Variants in PDE10A observed in about 807,000 individuals in gnomAD.
PDE10A encodes the protein cAMP and cAMP-inhibited cGMP 3',5'-cyclic phosphodiesterase 10A.
PDE10A carries 39 observed loss-of-function variants against 97.7 expected under a neutral mutation model. That is an observed-to-expected ratio of 0.40 (90% confidence interval 0.31 to 0.52). The LOEUF (loss-of-function observed/expected upper bound fraction) is 0.52. Ranked by LOEUF, PDE10A falls within the 20% of genes least tolerant of loss-of-function variation. PDE10A has a pLI of 0.56. For missense variants in PDE10A, 731 were observed against 1,047.8 expected (o/e 0.70, Z 4.17); for synonymous variants, 371 against 376.8 (o/e 0.98, Z 0.18).
intron 1 of PDE10A, among the ~76,000 whole-genome samples, chr6:165,639,222 T>C (rs533006202): frequency 1.3e-5 from 2 of 152,282 alleles, no homozygotes; most frequent in East Asian, 3.9e-4. Flanking sequence ...ACAACCAATG[T>C]ATGGAGGAAC....
intron 1 of PDE10A, among the ~76,000 whole-genome samples, chr6:165,900,061 T>G (rs1164365806): frequency 6.6e-6 from 1 of 152,206 alleles, no homozygotes; most frequent in Non-Finnish European, 1.5e-5. Flanking sequence ...ACAGGTTCGC[T>G]GGTGCCCTGC....
At chr6:165,416,072 C>T in intron 12 of PDE10A, 117 bp downstream of exon 12, 1 of 708,302 alleles carries the variant, frequency 1.4e-6, no homozygotes, top group East Asian at 2.5e-5. Context: ...GAGAAGAAAA[C>T]TAAGGAAGAA....
At chr6:165,905,627 TTTCTTTTTCTCTAATTATCTGCAGTA>T (rs2128485139) in intron 1 of PDE10A, among the ~76,000 whole-genome samples, 1 of 152,312 alleles carries the variant, frequency 6.6e-6, no homozygotes, top group East Asian at 1.9e-4. Flanking sequence ...AAAAAATTCT[TTTCTTTTTCTCTAATTATCTGCAGTA>T]AGCATATAAT....
At chr6:165,499,078 A>G (rs955237873) in intron 2 of PDE10A, among the ~76,000 whole-genome samples, 1 of 152,214 alleles carries the variant, frequency 6.6e-6, no homozygotes, top group Non-Finnish European at 1.5e-5. Context: ...AAACATTCTT[A>G]ATGTCCACAG....
chr6:165,877,921 C>T (rs1308106854), intron 1 of PDE10A, among the ~76,000 whole-genome samples: 1 of 152,116 alleles, frequency 6.6e-6, no homozygotes, highest in Non-Finnish European at 1.5e-5. Flanking sequence ...AAGTAATTTT[C>T]CTAAAACCAC....
chr6:165,700,451 C>T (rs989093530), intron 1 of PDE10A, among the ~76,000 whole-genome samples: 2 of 152,088 alleles, frequency 1.3e-5, no homozygotes, highest in African/African-American at 4.8e-5. Flanking sequence ...TTCACACAGG[C>T]GAATTACATG....
chr6:165,593,723 A>C (rs1453416300), intron 1 of PDE10A, among the ~76,000 whole-genome samples: 1 of 152,198 alleles, frequency 6.6e-6, no homozygotes, highest in Non-Finnish European at 1.5e-5. Flanking sequence ...GATATTTTTA[A>C]ATGATGATGT....
At chr6:165,879,907 G>A (rs541810439) in intron 1 of PDE10A, among the ~76,000 whole-genome samples, 20 of 116,450 alleles carry the variant, frequency 1.7e-4, no homozygotes, top group South Asian at 3.8e-4. Flanking sequence ...ACAGCTTCTC[G>A]GTGGATATGA....
intron 1 of PDE10A, among the ~76,000 whole-genome samples, chr6:165,967,099 G>T (rs1016032784): frequency 1.3e-5 from 2 of 152,128 alleles, no homozygotes; most frequent in Non-Finnish European, 2.9e-5. Flanking sequence ...ATATGGAAGG[G>T]TACAACTGAT....
intron 2 of PDE10A, among the ~76,000 whole-genome samples, chr6:165,497,108 G>T (rs1780581876): frequency 6.6e-6 from 1 of 151,926 alleles, no homozygotes; most frequent in Non-Finnish European, 1.5e-5. Context: ...AAAAATGGGG[G>T]TTACATATAA....
intron 2 of PDE10A, among the ~76,000 whole-genome samples, chr6:165,543,145 C>A (rs960234777): frequency 3.3e-5 from 5 of 151,998 alleles, no homozygotes; most frequent in Non-Finnish European, 7.4e-5. Context: ...TAAAAATAAT[C>A]CTTAAATAAA....
chr6:165,839,965 CTGTCTT>C (rs1286300170), intron 1 of PDE10A, among the ~76,000 whole-genome samples: 20 of 150,848 alleles, frequency 1.3e-4, no homozygotes, highest in East Asian at 5.9e-4. Flanking sequence ...ATCTACATCT[CTGTCTT>C]CATCCCCATC....
intron 3 of PDE10A, among the ~76,000 whole-genome samples, chr6:165,461,671 A>G (rs558484802): frequency 2.0e-5 from 3 of 152,340 alleles, no homozygotes; most frequent in East Asian, 3.9e-4. Flanking sequence ...CATCACTCAC[A>G]TTAGGGCTCA....
Position 165,543,451 on chromosome 6 carries a change from T to C in PDE10A, c.983A>G (p.Asn328Ser), listed in dbSNP as rs763879204. ...TVEKWLKRKNNKSEDESAPKE... is the reference protein window; with the variant it reads ...TVEKWLKRKNSKSEDESAPKE... ...ACAAGAGACCTTACCTTCTGATTTG[T>C]TGTTCTTCCTCTTCAGCCATTTCTC... The change falls in exon 2 of 22, where the codon AAC becomes AGC. Residue 328 changes from asparagine (N) to serine (S), a missense_variant. This residue lies in a region of PDE10A where 181 missense variants were observed against 159.1 expected (regional missense o/e 1.14). Transcript: ENST00000539869. 1.2e-6 allele frequency: 2 copies of C among 1,612,520 alleles called. No individual in the cohort carries two copies. The highest frequency in any genetic ancestry group is 2.2e-5 in the South Asian group (2 of 90,710).
chr6:165,885,029 C>T (rs1214350826), intron 1 of PDE10A, among the ~76,000 whole-genome samples: 1 of 152,130 alleles, frequency 6.6e-6, no homozygotes, highest in Non-Finnish European at 1.5e-5. Context: ...ACGCCCCTGC[C>T]GCCGTTTACC....
At chr6:165,340,714 A>G (rs1781921579) in intron 19 of PDE10A, among the ~76,000 whole-genome samples, 1 of 152,218 alleles carries the variant, frequency 6.6e-6, no homozygotes, top group Admixed American at 6.5e-5. Context: ...AGGCTTTCAC[A>G]GAATACAGAG....
rs535684323 is a variant in PDE10A, at chr6:165,836,060, C to T, written c.-615+151469G>A. ...CTCAAACATTTTGCCCAATCTAAAACGCTTTCGCTGTTTTCTCTGCCTGTC... is the reference window on the plus strand; with the variant it reads ...CTCAAACATTTTGCCCAATCTAAAATGCTTTCGCTGTTTTCTCTGCCTGTC... On this transcript the variant is annotated intron_variant, in intron 1 of 19. Coordinates refer to the PDE10A transcript ENST00000366882. Among the ~76,000 whole-genome samples, 92 of 152,254 alleles carry T rather than the reference C, an allele frequency of 6.0e-4. 1 individual carries two copies. Among genetic ancestry groups the T allele is most frequent in the African/African-American group, 2.1e-3 (87 of 41,534 alleles).
intron 1 of PDE10A, among the ~76,000 whole-genome samples, chr6:165,646,486 GAAATT>G (rs1469047937): frequency 4.6e-5 from 7 of 152,210 alleles, no homozygotes; most frequent in Non-Finnish European, 8.8e-5. Context: ...AGAGTGCTGA[GAAATT>G]ACACAGAGCT....
chr6:165,345,869 A>C (rs1432437609), intron 18 of PDE10A, among the ~76,000 whole-genome samples: 19 of 152,298 alleles, frequency 1.2e-4, no homozygotes, highest in Admixed American at 1.2e-3. Context: ...GTGCTGGGTA[A>C]AAATCAATAA....
Sources: allele counts gnomAD v4.1 joint callset (sites outside exome capture counted in the v4.1 genomes callset), GRCh38; gene constraint gnomAD v4.1.1; regional missense constraint gnomAD v4.1.1; transcripts MANE v1.5; gene names NCBI Gene and HGNC (gene_info 2026-07-23, HGNC 2026-07-21).